Variants in MAGI2 observed in about 807,000 individuals in gnomAD.
MAGI2 encodes membrane associated guanylate kinase, WW and PDZ domain containing 2, also known as membrane-associated guanylate kinase, WW and PDZ domain-containing protein 2.
MAGI2 carries 35 observed loss-of-function variants against 133.3 expected under a neutral mutation model. The ratio of observed to expected loss-of-function variants is 0.26; its 90% confidence interval spans 0.20 to 0.35. The LOEUF is 0.35. Among genes scored for constraint, MAGI2 ranks in the 10% least tolerant of loss-of-function variants. MAGI2 has a pLI of 1.00. For synonymous variants in MAGI2, 729 were observed against 710.6 expected, an observed-to-expected ratio of 1.03 and a Z score of -0.41; for missense variants, 1,636 against 1,863.4, an observed-to-expected ratio of 0.88 and a Z score of 2.25.
intron 2 of MAGI2, among the ~76,000 whole-genome samples, chr7:78,936,496 C>T (rs1036811283): frequency 3.9e-5 from 6 of 152,010 alleles, no homozygotes; most frequent in East Asian, 1.9e-4. Flanking sequence ...TATATATGTA[C>T]TTTTGGCATT....
intron 1 of MAGI2, among the ~76,000 whole-genome samples, chr7:79,089,253 G>A (rs1816826122): frequency 6.6e-6 from 1 of 152,032 alleles, no homozygotes; most frequent in Non-Finnish European, 1.5e-5. Flanking sequence ...ACCACAATGA[G>A]GTACCATCTC....
chr7:78,705,579 T>G (rs566409150), intron 2 of MAGI2, among the ~76,000 whole-genome samples: 3 of 152,106 alleles, frequency 2.0e-5, no homozygotes, highest in Non-Finnish European at 4.4e-5. Context: ...CTGACAAACT[T>G]TCCTTCAGTG....
intron 2 of MAGI2, among the ~76,000 whole-genome samples, chr7:78,892,020 C>A (rs1796804241): frequency 6.6e-6 from 1 of 152,210 alleles, no homozygotes; most frequent in African/African-American, 2.4e-5. Context: ...TGATAGGCAA[C>A]TTCAGCAAAT....
At chr7:78,629,161 A>G (rs1427578698) in intron 2 of MAGI2, among the ~76,000 whole-genome samples, 2 of 152,146 alleles carry the variant, frequency 1.3e-5, no homozygotes, top group South Asian at 2.1e-4. Flanking sequence ...GAGGCCCATC[A>G]GTACTTTCGG....
chr7:78,342,077 T>C (rs971413155), intron 9 of MAGI2, among the ~76,000 whole-genome samples: 1 of 151,860 alleles, frequency 6.6e-6, no homozygotes, highest in Non-Finnish European at 1.5e-5. Context: ...AAAGGGCTAA[T>C]ATCCAGAATC....
intron 1 of MAGI2, among the ~76,000 whole-genome samples, chr7:79,339,464 GTTTTT>G (rs71095397): frequency 2.2e-5 from 3 of 134,554 alleles, no homozygotes; most frequent in African/African-American, 8.0e-5. Flanking sequence ...TTTTGTTTTT[GTTTTT>G]TTTTTTTTTG....
chr7:78,607,962 A>G (rs950871897), intron 3 of MAGI2, among the ~76,000 whole-genome samples: 6 of 152,222 alleles, frequency 3.9e-5, no homozygotes, highest in African/African-American at 1.4e-4. Flanking sequence ...TCAAGAGGAC[A>G]TAAAACAGTT....
At chr7:78,260,401 C>T (rs1334809293) in intron 9 of MAGI2, among the ~76,000 whole-genome samples, 1 of 152,124 alleles carries the variant, frequency 6.6e-6, no homozygotes, top group African/African-American at 2.4e-5. Flanking sequence ...TGTTGGCCTA[C>T]TTAAGACGGA....
At chr7:78,348,089 C>T (rs532960627) in intron 7 of MAGI2, among the ~76,000 whole-genome samples, 1 of 152,178 alleles carries the variant, frequency 6.6e-6, no homozygotes, top group South Asian at 2.1e-4. Flanking sequence ...GTAGCTTCAC[C>T]TTTGGCTGCA....
chr7:78,675,896 T>C (rs1814972741), intron 2 of MAGI2, among the ~76,000 whole-genome samples: 1 of 152,160 alleles, frequency 6.6e-6, no homozygotes, highest in East Asian at 1.9e-4. Context: ...TAGTGTTCCA[T>C]GCACACTGGC....
At chr7:78,586,581 A>G (rs978375256) in intron 3 of MAGI2, among the ~76,000 whole-genome samples, 1 of 152,194 alleles carries the variant, frequency 6.6e-6, no homozygotes, top group Non-Finnish European at 1.5e-5. Flanking sequence ...TAAAATATGC[A>G]TAACAAAGAA....
chr7:79,217,253 G>A (rs891568835), intron 1 of MAGI2, among the ~76,000 whole-genome samples: 39 of 151,706 alleles, frequency 2.6e-4, no homozygotes, highest in Admixed American at 2.4e-3. Flanking sequence ...AGTTTAATTT[G>A]TATATAATAG....
At chr7:78,922,250 G>A (rs1799306390) in intron 2 of MAGI2, among the ~76,000 whole-genome samples, 1 of 150,388 alleles carries the variant, frequency 6.6e-6, no homozygotes, top group Non-Finnish European at 1.5e-5. Flanking sequence ...GTGCAGGTTA[G>A]TTACATATGT....
chr7:78,086,001 T>C (rs1228761951), intron 20 of MAGI2, among the ~76,000 whole-genome samples: 1 of 152,164 alleles, frequency 6.6e-6, no homozygotes, highest in Non-Finnish European at 1.5e-5. Context: ...CCTCCATTTC[T>C]ATTTACAAAA....
chr7:78,612,313 T>C (rs1309496706), intron 3 of MAGI2, among the ~76,000 whole-genome samples: 3 of 152,114 alleles, frequency 2.0e-5, no homozygotes, highest in Non-Finnish European at 4.4e-5. Flanking sequence ...AAGTGTGGTC[T>C]CAAATTTTAT....
intron 2 of MAGI2, among the ~76,000 whole-genome samples, chr7:78,850,394 A>G (rs1793030960): frequency 6.6e-6 from 1 of 152,152 alleles, no homozygotes; most frequent in South Asian, 2.1e-4. Context: ...ATCACTAAAA[A>G]GAAGGCATTA....
intron 9 of MAGI2, among the ~76,000 whole-genome samples, chr7:78,321,216 T>C (rs1027135594): frequency 6.6e-6 from 1 of 152,184 alleles, no homozygotes; most frequent in African/African-American, 2.4e-5. Flanking sequence ...ATAGATTCAA[T>C]GCCATCCCCA....
At chr7:78,964,991 T>A (rs1803181377) in intron 2 of MAGI2, among the ~76,000 whole-genome samples, 2 of 152,026 alleles carry the variant, frequency 1.3e-5, no homozygotes, top group African/African-American at 4.8e-5. Context: ...ATAATTAGAA[T>A]AACTTAAAAA....
At chr7:78,528,000 G>A (rs11316637) in intron 3 of MAGI2, among the ~76,000 whole-genome samples, 102,092 of 151,506 alleles carry the variant, frequency 0.67, 34,943 homozygotes, top group African/African-American at 0.81. Context: ...TTTTTTCCCC[G>A]TTTTGGTAAA....
Sources: allele counts gnomAD v4.1 joint callset (sites outside exome capture counted in the v4.1 genomes callset), GRCh38; gene constraint gnomAD v4.1.1; transcripts MANE v1.5; gene names NCBI Gene and HGNC (gene_info 2026-07-23, HGNC 2026-07-21).